PHLDB2: variants seen among roughly 807,000 people sequenced by gnomAD.
PHLDB2 encodes the protein pleckstrin homology like domain family B member 2.
A neutral mutation model predicts 123.6 loss-of-function variants in PHLDB2; 71 were observed. That is an observed-to-expected ratio of 0.57 (90% CI 0.47 to 0.70). PHLDB2 has a LOEUF of 0.70. PHLDB2 is among the 30% of genes least tolerant of loss of function. The pLI is 0.00. For missense variants in PHLDB2, 1,446 were observed against 1,519.5 expected (o/e 0.95, Z 0.80); for synonymous variants, 547 against 541.6 (o/e 1.01, Z -0.14).
At chr3:111,739,574 A>T (rs546364859) in intron 1 of PHLDB2, among the ~76,000 whole-genome samples, 543 of 4,168 alleles carry the variant, frequency 0.13, 5 homozygotes, top group Middle Eastern at 0.17. Context: ...TTCTGAAGTT[A>T]AAAAAAAAAA....
intron 1 of PHLDB2, among the ~76,000 whole-genome samples, chr3:111,836,128 T>C (rs79781930): frequency 1.8e-3 from 274 of 152,266 alleles, no homozygotes; most frequent in Non-Finnish European, 3.2e-3. Flanking sequence ...TCTTTTTCAA[T>C]GATATGACTT....
intron 1 of PHLDB2, among the ~76,000 whole-genome samples, chr3:111,863,893 G>T (rs576870868): frequency 1.3e-5 from 2 of 152,184 alleles, no homozygotes; most frequent in African/African-American, 4.8e-5. Context: ...ATACTCTCCT[G>T]TTTACATTGC....
intron 1 of PHLDB2, among the ~76,000 whole-genome samples, chr3:111,810,649 G>A (rs890616095): frequency 1.3e-4 from 20 of 152,074 alleles, no homozygotes; most frequent in African/African-American, 4.1e-4. Context: ...CATATTGAGG[G>A]TTAGGGCTTC....
At chr3:111,846,065 G>A (rs893735455) in intron 2 of PHLDB2, 4 of 951,836 alleles carry the variant, frequency 4.2e-6, no homozygotes, top group African/African-American at 3.3e-5. Context: ...AAGAGAGCCT[G>A]AGGCTGGCAA....
intron 12 of PHLDB2, chr3:111,961,834 T>G: frequency 2.4e-6 from 1 of 411,824 alleles, no homozygotes; most frequent in Non-Finnish European, 4.3e-6. Context: ...TTTGTGTTTG[T>G]GTGTTGCTGG....
At chr3:111,774,073 A>G (rs1576556921) in intron 1 of PHLDB2, among the ~76,000 whole-genome samples, 1 of 152,202 alleles carries the variant, frequency 6.6e-6, no homozygotes, top group African/African-American at 2.4e-5. Context: ...CAGTGGCACT[A>G]TGAGATACAG....
intron 1 of PHLDB2, among the ~76,000 whole-genome samples, chr3:111,761,710 G>C (rs968151646): frequency 5.3e-5 from 8 of 152,140 alleles, no homozygotes; most frequent in African/African-American, 1.9e-4. Context: ...ACATGTGGGT[G>C]GGGCAAGAGA....
chr3:111,962,134 G>A lies in PHLDB2; in HGVS notation c.2899G>A (p.Gly967Arg). ...RGYNHQQMSEGHRQKSEFYNR... is the reference protein window; with the variant it reads ...RGYNHQQMSERHRQKSEFYNR... ...TTATAATCACCAACAGATGAGTGAAGGACACAGGCAGAAATCTGAATTTTA... is the reference window on the plus strand; with the variant it reads ...TTATAATCACCAACAGATGAGTGAAAGACACAGGCAGAAATCTGAATTTTA... The change falls in exon 13 of 18, where the codon GGA (glycine) becomes AGA (arginine). Residue 967 changes from glycine to arginine, a missense_variant. Transcript: ENST00000431670. 6.3e-7 allele frequency: 1 copy of A among 1,580,814 alleles called. No individual in the cohort carries two copies. The highest frequency in any genetic ancestry group is 8.5e-7 in the Non-Finnish European group (1 of 1,171,222).
intron 2 of PHLDB2, chr3:111,911,661 G>T: frequency 6.5e-7 from 1 of 1,536,298 alleles, no homozygotes; most frequent in Non-Finnish European, 8.7e-7. Context: ...AGTGCCTGCC[G>T]TGGGAAGAGG....
At chr3:111,733,370 C>T (rs1941568450) in intron 1 of PHLDB2, among the ~76,000 whole-genome samples, 1 of 152,122 alleles carries the variant, frequency 6.6e-6, no homozygotes, top group South Asian at 2.1e-4. Flanking sequence ...GGCCTGAGTC[C>T]CTCTGTAGCA....
chr3:111,868,180 T>C (rs909679186), intron 1 of PHLDB2, among the ~76,000 whole-genome samples: 2 of 152,084 alleles, frequency 1.3e-5, no homozygotes, highest in Admixed American at 1.3e-4. Context: ...CCACCATGCC[T>C]GGCTAATTTT....
chr3:111,914,514 A>G (rs921185890), intron 3 of PHLDB2: 1 of 152,160 alleles, frequency 6.6e-6, no homozygotes, highest in Non-Finnish European at 1.5e-5. Flanking sequence ...AGCCAAATTG[A>G]TAGAAGTTTA....
At position 111,913,435 on chromosome 3, in the gene PHLDB2, G is replaced by C; in HGVS notation, c.1452G>C (p.Glu484Asp). Reference sequence around the variant, plus strand: ...TGCAGAAAATCAACAAGGAGCTTGAGAAGCTGCAGCTCTCTGATGAGGAGT... The same window carrying C: ...TGCAGAAAATCAACAAGGAGCTTGACAAGCTGCAGCTCTCTGATGAGGAGT... ...EDVQKINKELEKLQLSDEESV... is the reference protein window; with the variant it reads ...EDVQKINKELDKLQLSDEESV... The change falls in exon 3 of 18, where the codon GAG (glutamate) becomes GAC (aspartate). Residue 484 changes from glutamate to aspartate, a missense_variant. This residue lies in a region of PHLDB2 where 832 missense variants were observed against 831.9 expected (regional missense o/e 1.00). Transcript: ENST00000431670. 6.2e-7 allele frequency: 1 copy of C among 1,614,144 alleles called. No individual in the cohort carries two copies. The highest frequency in any genetic ancestry group is 1.1e-5 in the South Asian group (1 of 91,078).
intron 2 of PHLDB2, among the ~76,000 whole-genome samples, chr3:111,887,839 A>G (rs1364598556): frequency 6.6e-6 from 1 of 152,110 alleles, no homozygotes; most frequent in Non-Finnish European, 1.5e-5. Context: ...ATTTTTGTCT[A>G]TGCAATTCTT....
intron 3 of PHLDB2, chr3:111,915,878 AGTT>A (rs973539208): frequency 7.9e-5 from 12 of 152,288 alleles, no homozygotes; most frequent in African/African-American, 2.7e-4. Context: ...GGGAATCAAA[AGTT>A]GTTGTTCAGG....
intron 1 of PHLDB2, among the ~76,000 whole-genome samples, chr3:111,842,096 G>C (rs1340811250): frequency 6.6e-6 from 1 of 152,104 alleles, no homozygotes; most frequent in African/African-American, 2.4e-5. Context: ...TACCTTATAG[G>C]GTTATAGTGA....
At chr3:111,783,992 T>A (rs2060585098) in intron 1 of PHLDB2, among the ~76,000 whole-genome samples, 1 of 152,140 alleles carries the variant, frequency 6.6e-6, no homozygotes, top group Non-Finnish European at 1.5e-5. Flanking sequence ...GTTTAGAGGA[T>A]CCATGTCCTT....
At chr3:111,826,961 G>T (rs1037651406) in intron 1 of PHLDB2, among the ~76,000 whole-genome samples, 3 of 152,072 alleles carry the variant, frequency 2.0e-5, no homozygotes, top group Non-Finnish European at 2.9e-5. Flanking sequence ...GATGATGGCC[G>T]ACATTTATTG....
intron 3 of PHLDB2, chr3:111,916,885 C>T (rs1421365153): frequency 1.3e-5 from 2 of 152,144 alleles, no homozygotes; most frequent in African/African-American, 4.8e-5. Context: ...TGCATATACA[C>T]ACGTAATGTG....
Sources: gnomAD v4.1 joint callset for allele counts (sites outside exome capture counted in the v4.1 genomes callset) on GRCh38, gnomAD v4.1.1 for gene constraint, gnomAD v4.1.1 regional missense constraint, MANE v1.5 for transcripts, NCBI Gene and HGNC (gene_info 2026-07-23, HGNC 2026-07-21) for gene names.